BCAS3: variants seen among roughly 807,000 people sequenced by gnomAD.
BCAS3 encodes BCAS3 microtubule associated cell migration factor, also known as BCAS4/BCAS3 fusion.
A neutral mutation model predicts 116.1 loss-of-function variants in BCAS3; 53 were observed. The observed-to-expected ratio is 0.46, with a 90% CI of 0.37 to 0.57. The LOEUF is 0.57. BCAS3 is among the 20% of genes least tolerant of loss of function. The probability of loss-of-function intolerance (pLI) is 0.00; values close to 1 mark genes in which losing one functional copy is unlikely to be tolerated. For synonymous variants in BCAS3, 391 were observed against 408.2 expected, an observed-to-expected ratio of 0.96 and a Z score of 0.51; for missense variants, 917 against 1,165.4, an observed-to-expected ratio of 0.79 and a Z score of 3.10.
intron 5 of BCAS3, among the ~76,000 whole-genome samples, chr17:60,738,480 G>A (rs1010950956): frequency 3.9e-5 from 6 of 152,082 alleles, no homozygotes; most frequent in African/African-American, 1.4e-4. Context: ...AAGTTTCTTT[G>A]CCTTGAAATC....
chr17:61,318,103 C>T (rs1159066327), intron 22 of BCAS3, among the ~76,000 whole-genome samples: 5 of 152,292 alleles, frequency 3.3e-5, no homozygotes, highest in South Asian at 2.1e-4. Flanking sequence ...AGCTACATGC[C>T]GCTCCTCGGC....
intron 3 of BCAS3, among the ~76,000 whole-genome samples, chr17:60,686,146 G>T (rs1355872964): frequency 6.6e-6 from 1 of 152,120 alleles, no homozygotes; most frequent in African/African-American, 2.4e-5. Context: ...GGGATTACAG[G>T]TGTGAGCCAC....
intron 19 of BCAS3, chr17:61,069,862 T>G (rs2071144493): frequency 1.1e-6 from 1 of 936,506 alleles, no homozygotes. Flanking sequence ...AAAAGACCCT[T>G]TTCACAAGAT....
chr17:61,120,564 C>T (rs1469545202), intron 22 of BCAS3, among the ~76,000 whole-genome samples: 1 of 151,916 alleles, frequency 6.6e-6, no homozygotes, highest in Non-Finnish European at 1.5e-5. Context: ...CTGATGTATC[C>T]CTGAAAATCA....
chr17:61,240,686 C>T (rs982360375), intron 22 of BCAS3, among the ~76,000 whole-genome samples: 2 of 152,084 alleles, frequency 1.3e-5, no homozygotes, highest in South Asian at 2.1e-4. Context: ...GTGTAGCTGA[C>T]ATTTATCTGA....
intron 7 of BCAS3, chr17:60,810,227 T>C (rs2144633196): frequency 2.3e-6 from 1 of 436,578 alleles, no homozygotes; most frequent in Non-Finnish European, 4.5e-6. Flanking sequence ...TCTGTGCAGG[T>C]GCCCAGCTAT....
rs114182528 is a variant in BCAS3 at position 61,020,842 on chromosome 17, C to T, written c.1637+4941C>T. Among the ~76,000 whole-genome samples, 381 of 152,150 alleles carry T rather than the reference C, an allele frequency of 2.5e-3. No homozygotes were observed. The highest frequency in any genetic ancestry group is 8.7e-3 in the African/African-American group (362 of 41,504). On this transcript the variant is annotated intron_variant, in intron 16 of 23. Coordinates refer to ENST00000407086, the MANE Select transcript of BCAS3 (RefSeq NM_017679.5). The surrounding 1 kb of genome is among the most constrained non-coding windows in gnomAD (Gnocchi z 4.5). ...TTATTTTATGGACACAAGCAGAGAACAGTAAATTTCAAAAAGAAGTCATGG... is the reference window on the plus strand; with the variant it reads ...TTATTTTATGGACACAAGCAGAGAATAGTAAATTTCAAAAAGAAGTCATGG...
rs1336406732 is a variant in BCAS3 at position 61,276,099 on chromosome 17, T to G, written c.2426-92228T>G. Among the ~76,000 whole-genome samples the G allele has an allele frequency of 2.0e-5, 3 of 152,036 alleles. No individual in the cohort carries two copies. The highest frequency in any genetic ancestry group is 4.4e-5 in the Non-Finnish European group (3 of 67,988). Reference sequence around the variant, plus strand: ...GGTGCGGTGGCTCACGCGTGTAATCTCAGCACTTTGGGAGGCTGAGGTGGG... The same window carrying G: ...GGTGCGGTGGCTCACGCGTGTAATCGCAGCACTTTGGGAGGCTGAGGTGGG... On this transcript the variant is annotated intron_variant, in intron 22 of 23. Transcript: ENST00000407086. The surrounding 1 kb of genome is among the most constrained non-coding windows in gnomAD (Gnocchi z 4.2).
At chr17:61,102,578 A>C (rs374404367) in intron 22 of BCAS3, among the ~76,000 whole-genome samples, 1 of 152,142 alleles carries the variant, frequency 6.6e-6, no homozygotes, top group Non-Finnish European at 1.5e-5. Context: ...TTTTTTTGTC[A>C]TGAACATGTT....
At chr17:61,108,481 A>T (rs1422209733) in intron 22 of BCAS3, among the ~76,000 whole-genome samples, 1 of 149,544 alleles carries the variant, frequency 6.7e-6, no homozygotes, top group East Asian at 2.0e-4. Context: ...TTTCTATTTG[A>T]TCTCTGCTTT....
At position 60,712,382 on chromosome 17, in the gene BCAS3, G is replaced by GA. The variant is rs568948958; in HGVS notation, c.321+3069dup. Among the ~76,000 whole-genome samples the GA allele has an allele frequency of 3.5e-3, 486 of 140,342 alleles. 3 individuals are homozygous for GA. The highest frequency in any genetic ancestry group is 0.011 in the African/African-American group (420 of 38,876). 92.1% of individuals were successfully genotyped at this position (140,342 alleles called of 152,430 possible). ...CAGAGTGAGATCTTGTCTTGGGAAG[G>GA]AAAAAAAAAAAAGACAATCTGGGAA... On this transcript the variant is annotated intron_variant, in intron 5 of 23. Coordinates refer to ENST00000407086, the MANE Select transcript of BCAS3 (RefSeq NM_017679.5).
intron 12 of BCAS3, among the ~76,000 whole-genome samples, chr17:60,911,390 C>A (rs907768167): frequency 2.0e-4 from 30 of 152,284 alleles, no homozygotes; most frequent in Admixed American, 1.7e-3. Context: ...CCTCCACCTC[C>A]TGGGTTCAAG....
chr17:61,002,086 G>T (rs1299402147), intron 15 of BCAS3, among the ~76,000 whole-genome samples: 1 of 151,866 alleles, frequency 6.6e-6, no homozygotes, highest in Non-Finnish European at 1.5e-5. Context: ...AGTTTTGGGG[G>T]GAAATAAAAT....
intron 15 of BCAS3, among the ~76,000 whole-genome samples, chr17:61,010,613 A>C (rs2065047012): frequency 6.6e-6 from 1 of 152,062 alleles, no homozygotes; most frequent in Non-Finnish European, 1.5e-5. Flanking sequence ...ATAGCAGTAA[A>C]CAAAAAACTG....
rs2056455520 is a variant in BCAS3 at position 61,333,464 on chromosome 17, T to A, written c.2426-34863T>A. Among the ~76,000 whole-genome samples the A allele has an allele frequency of 6.6e-6, 1 of 151,972 alleles. No homozygotes were observed. ...TCTCAGCATCACCAATAGCTCACCCTCCTGTCCACTCACATTGTGGCGCCC... is the reference window on the plus strand; with the variant it reads ...TCTCAGCATCACCAATAGCTCACCCACCTGTCCACTCACATTGTGGCGCCC... On this transcript the variant is annotated intron_variant, in intron 22 of 23. Coordinates refer to ENST00000407086, the MANE Select transcript of BCAS3 (RefSeq NM_017679.5). This position sits in a 1 kb window ranked among gnomAD's most constrained non-coding sequence, Gnocchi z 4.8.
At chr17:60,711,840 G>T (rs1410492052) in intron 5 of BCAS3, among the ~76,000 whole-genome samples, 1 of 151,588 alleles carries the variant, frequency 6.6e-6, no homozygotes, top group Non-Finnish European at 1.5e-5. Flanking sequence ...ATCACTTGAG[G>T]TCAGCAGTTT....
intron 21 of BCAS3, among the ~76,000 whole-genome samples, chr17:61,079,497 C>T (rs142153427): frequency 8.5e-5 from 13 of 152,274 alleles, no homozygotes; most frequent in Admixed American, 2.0e-4. Context: ...GCCTAGAGTA[C>T]GGCCGGCTGC....
chr17:61,048,846 G>A (rs1195113612), intron 19 of BCAS3, among the ~76,000 whole-genome samples: 1 of 151,772 alleles, frequency 6.6e-6, no homozygotes, highest in Non-Finnish European at 1.5e-5. Flanking sequence ...TGTCTTAGAG[G>A]GCACAATGGT....
Position 61,200,495 on chromosome 17 carries a change from G to A in BCAS3, c.2425+115931G>A, listed in dbSNP as rs752187869. 5.9e-5 allele frequency among the ~76,000 whole-genome samples: 9 copies of A among 152,190 alleles called. No individual in the cohort carries two copies. The highest frequency in any genetic ancestry group is 6.5e-5 in the Admixed American group (1 of 15,282). ...CTTCAGAAAGGGCCCTCGGCTTGCC[G>A]AAGGCCGTATGGTAAATCAATGACC... On this transcript the variant is annotated intron_variant, in intron 22 of 23. Coordinates refer to ENST00000407086, the MANE Select transcript of BCAS3 (RefSeq NM_017679.5). This position sits in a 1 kb window ranked among gnomAD's most constrained non-coding sequence, Gnocchi z 5.1.
Sources: allele counts gnomAD v4.1 joint callset (sites outside exome capture counted in the v4.1 genomes callset), GRCh38; gene constraint gnomAD v4.1.1; non-coding constraint Gnocchi (gnomAD v3.1); transcripts MANE v1.5; gene names NCBI Gene and HGNC (gene_info 2026-07-23, HGNC 2026-07-21).